NALF1: variants seen among roughly 807,000 people sequenced by gnomAD.
NALF1 encodes the protein family with sequence similarity 155 member A.
NALF1 carries 3 observed loss-of-function variants against 48.4 expected under a neutral mutation model. That is an observed-to-expected ratio of 0.06 (90% CI 0.03 to 0.16). The LOEUF (loss-of-function observed/expected upper bound fraction) is 0.16, where lower values mean the gene tolerates loss of function less well. NALF1 is among the 10% of genes least tolerant of loss of function. The pLI, the probability that NALF1 is intolerant of heterozygous loss-of-function variation, is 1.00. For synonymous variants in NALF1, 262 were observed against 245.7 expected (o/e 1.07, Z -0.62); for missense variants, 526 against 571.5 (o/e 0.92, Z 0.81).
chr13:107,199,870 C>A (rs1361148584), intron 2 of NALF1, among the ~76,000 whole-genome samples: 1 of 152,220 alleles, frequency 6.6e-6, no homozygotes, highest in African/African-American at 2.4e-5. Flanking sequence ...TTGCCACAGA[C>A]ACCCGTGGGC....
At chr13:107,807,394 G>C (rs1374414424) in intron 1 of NALF1, among the ~76,000 whole-genome samples, 1 of 152,006 alleles carries the variant, frequency 6.6e-6, no homozygotes, top group Non-Finnish European at 1.5e-5. Flanking sequence ...TTCAAATAGG[G>C]GAACTATTTG....
chr13:107,661,406 T>C (rs1880731750), intron 1 of NALF1, among the ~76,000 whole-genome samples: 1 of 152,230 alleles, frequency 6.6e-6, no homozygotes, highest in Admixed American at 6.5e-5. Context: ...TTGCTTTTAC[T>C]TTCATATCTT....
chr13:107,522,084 G>A (rs1249680169), intron 1 of NALF1, among the ~76,000 whole-genome samples: 1 of 151,956 alleles, frequency 6.6e-6, no homozygotes, highest in African/African-American at 2.4e-5. Context: ...TACTGTTAAA[G>A]GTAATAAAGA....
chr13:107,819,028 TTC>T (rs10535901), intron 1 of NALF1, among the ~76,000 whole-genome samples: 21,527 of 152,060 alleles, frequency 0.14, 1,764 homozygotes, highest in East Asian at 0.36. Flanking sequence ...ATTATTTTCT[TTC>T]TGTTTCCCAT....
intron 1 of NALF1, among the ~76,000 whole-genome samples, chr13:107,572,165 ATAC>A (rs1169668597): frequency 2.6e-5 from 4 of 152,012 alleles, no homozygotes; most frequent in Non-Finnish European, 5.9e-5. Context: ...TCCTAAAATG[ATAC>A]TACTAAAATT....
chr13:107,778,246 C>A (rs1877792517), intron 1 of NALF1, among the ~76,000 whole-genome samples: 1 of 152,192 alleles, frequency 6.6e-6, no homozygotes. Flanking sequence ...AAGGAAACAT[C>A]TGTCTTCCTC....
At chr13:107,485,746 T>G (rs1885318658) in intron 1 of NALF1, among the ~76,000 whole-genome samples, 1 of 152,148 alleles carries the variant, frequency 6.6e-6, no homozygotes, top group Non-Finnish European at 1.5e-5. Context: ...TTTAAGCAAT[T>G]TTGCACTATG....
chr13:107,354,489 C>A (rs1416709624), intron 1 of NALF1, among the ~76,000 whole-genome samples: 1 of 152,096 alleles, frequency 6.6e-6, no homozygotes, highest in Non-Finnish European at 1.5e-5. Context: ...TTTTAAACAA[C>A]CAGATCTCAT....
intron 1 of NALF1, among the ~76,000 whole-genome samples, chr13:107,360,472 A>G: frequency 6.6e-6 from 1 of 152,154 alleles, no homozygotes. Flanking sequence ...TGCCAAGTTC[A>G]GCCAATATCT....
At chr13:107,337,043 CAAAAAAAAAAAAAAAAAAAAA>C (rs60969406) in intron 1 of NALF1, among the ~76,000 whole-genome samples, 18 of 114,830 alleles carry the variant, frequency 1.6e-4, no homozygotes, top group African/African-American at 3.6e-4. Flanking sequence ...TTTCATTCCC[CAAAAAAAAAAAAAAAAAAAAA>C]AAAAAAAAAA....
chr13:107,467,806 C>T (rs1016488055), intron 1 of NALF1, among the ~76,000 whole-genome samples: 4 of 151,938 alleles, frequency 2.6e-5, no homozygotes, highest in East Asian at 1.9e-4. Flanking sequence ...TTTGGGAGAC[C>T]GAGGCGGGTG....
intron 1 of NALF1, among the ~76,000 whole-genome samples, chr13:107,574,409 G>C (rs145576937): frequency 3.0e-4 from 45 of 152,220 alleles, no homozygotes; most frequent in Admixed American, 7.2e-4. Flanking sequence ...ACCCCAACTA[G>C]ACTACAAGTT....
At chr13:107,389,842 A>G (rs1399349971) in intron 1 of NALF1, among the ~76,000 whole-genome samples, 1 of 152,220 alleles carries the variant, frequency 6.6e-6, no homozygotes, top group Non-Finnish European at 1.5e-5. Context: ...ACGTAAATTT[A>G]TAATATATAC....
At chr13:107,377,487 T>A (rs1198955649) in intron 1 of NALF1, among the ~76,000 whole-genome samples, 1 of 152,100 alleles carries the variant, frequency 6.6e-6, no homozygotes, top group Non-Finnish European at 1.5e-5. Flanking sequence ...CAGGAGGTCA[T>A]AGAAATAAAG....
At chr13:107,787,743 C>T (rs1878117623) in intron 1 of NALF1, among the ~76,000 whole-genome samples, 1 of 152,100 alleles carries the variant, frequency 6.6e-6, no homozygotes, top group Admixed American at 6.6e-5. Flanking sequence ...ACTAATACAT[C>T]TGTCTCATAG....
intron 2 of NALF1, among the ~76,000 whole-genome samples, chr13:107,205,348 C>T (rs535774808): frequency 1.3e-5 from 2 of 152,212 alleles, no homozygotes; most frequent in African/African-American, 4.8e-5. Context: ...CACAAGTAAA[C>T]CGTGAGATGC....
Position 107,350,219 on chromosome 13 carries a change from A to G in NALF1, c.916-139464T>C, listed in dbSNP as rs140506024. On this transcript the variant is annotated intron_variant, in intron 1 of 2. Transcript: ENST00000375915. ...GGACCCCTGCTGTATTGTACGTAAA[A>G]CAGTTCTGTGCAATCAAGACAAATT... is the stretch of plus-strand genomic sequence containing the variant. 5.5e-4 allele frequency among the ~76,000 whole-genome samples: 84 copies of G among 152,314 alleles called. No individual in the cohort carries two copies. The East Asian group carries it at 0.014, about 26-fold the overall frequency.
intron 1 of NALF1, among the ~76,000 whole-genome samples, chr13:107,551,309 T>A (rs1877286649): frequency 6.6e-6 from 1 of 152,206 alleles, no homozygotes; most frequent in Non-Finnish European, 1.5e-5. Flanking sequence ...CATTTATTTG[T>A]GTTTTAGCAT....
In NALF1 at chr13:107,797,410, C is replaced by T. The variant is rs561957186; in HGVS notation, c.915+68272G>A. Among the ~76,000 whole-genome samples the T allele has an allele frequency of 5.6e-4, 85 of 152,196 alleles. No individual in the cohort carries two copies. In the Middle Eastern group the frequency reaches 0.017, roughly 30 times the overall value. On this transcript the variant is annotated intron_variant, in intron 1 of 2. Coordinates refer to ENST00000375915, the MANE Select transcript of NALF1 (RefSeq NM_001080396.3). ...ATTTTTAGTAGAGAGGGGGTTTCAC[C>T]GTGTTGGCCAGGATGGTCTCGATCT...
Sources: allele counts gnomAD v4.1 joint callset (sites outside exome capture counted in the v4.1 genomes callset), GRCh38; gene constraint gnomAD v4.1.1; transcripts MANE v1.5; gene names NCBI Gene and HGNC (gene_info 2026-07-23, HGNC 2026-07-21).